The following ZNF254 variants were observed in gnomAD, a reference collection of about 807,000 sequenced individuals.
ZNF254 encodes the protein zinc finger protein 254, also known as CTD-2017D11.1.
ZNF254 carries 10 observed loss-of-function variants against 12.4 expected under a neutral mutation model. The observed-to-expected ratio is 0.80, with a 90% CI of 0.50 to 1.36. The LOEUF is 1.36. ZNF254 is among the 40% of genes most tolerant of loss of function. The pLI, the probability that ZNF254 is intolerant of heterozygous loss-of-function variation, is 0.00. For synonymous variants in ZNF254, 305 were observed against 253.4 expected (o/e 1.20, Z -1.93); for missense variants, 996 against 763.9 (o/e 1.30, Z -3.58).
Position 24,128,690 on chromosome 19 carries a change from A to T in ZNF254, c.*710A>T, listed in dbSNP as rs932648170. On this transcript the variant is annotated 3_prime_UTR_variant, in exon 4 of 4. Coordinates refer to ENST00000357002, the MANE Select transcript of ZNF254 (RefSeq NM_203282.4). ...TTTGCAGATACATTAAATATGAAAG[A>T]TATTCAATCCAAAATTAAGTCTATG... is the stretch of plus-strand genomic sequence containing the variant. 6.6e-6 allele frequency: 1 copy of T among 152,132 alleles called. No homozygotes were observed. The highest frequency in any genetic ancestry group is 1.5e-5 in the Non-Finnish European group (1 of 67,956). 9.4% of individuals were successfully genotyped at this position (152,132 alleles called of 1,614,324 possible). A position where few individuals can be genotyped will look rare whatever the true frequency, so the allele number is the denominator to read the frequency against.
upstream of ZNF254, among the ~76,000 whole-genome samples, chr19:24,086,451 G>T (rs914718013): frequency 6.6e-6 from 1 of 151,222 alleles, no homozygotes; most frequent in African/African-American, 2.4e-5. Flanking sequence ...GGTTATAGGC[G>T]TGCGCCACCA....
chr19:24,084,196 A>G (rs112028942), upstream of ZNF254, among the ~76,000 whole-genome samples: 3 of 148,394 alleles, frequency 2.0e-5, no homozygotes, highest in African/African-American at 7.3e-5. Context: ...ATAATAATAT[A>G]TATACACCAA....
At chr19:24,093,033 G>C (rs1417650023) in intron 1 of ZNF254, among the ~76,000 whole-genome samples, 1 of 151,950 alleles carries the variant, frequency 6.6e-6, no homozygotes, top group East Asian at 1.9e-4. Flanking sequence ...GTTTTTCTTT[G>C]CATTTCTCCA....
At position 24,110,876 on chromosome 19, in the gene ZNF254, ATTC is replaced by A. The variant is rs944991599; in HGVS notation, c.253+4239_253+4241del. On this transcript the variant is annotated intron_variant, in intron 3 of 3. Coordinates refer to ENST00000357002, the MANE Select transcript of ZNF254 (RefSeq NM_203282.4). ...AGATTTTTTTTTTTCACTGTTAAAT[ATTC>A]TTCTTTATTTTCCATTTCAGTAAAA... Among the ~76,000 whole-genome samples, 6 of 151,696 alleles carry A rather than the reference ATTC, an allele frequency of 4.0e-5. No individual in the cohort carries two copies. In the East Asian group the frequency reaches 5.8e-4, roughly 15 times the overall value.
In ZNF254 at chr19:24,128,689, G is replaced by T. The variant is rs1975056854; in HGVS notation, c.*709G>T. 1.3e-5 allele frequency: 2 copies of T among 151,952 alleles called. No homozygotes were observed. The highest frequency in any genetic ancestry group is 2.9e-5 in the Non-Finnish European group (2 of 67,922). 9.4% of individuals were successfully genotyped at this position (151,952 alleles called of 1,614,324 possible). ...TTTTGCAGATACATTAAATATGAAAGATATTCAATCCAAAATTAAGTCTAT... is the reference window on the plus strand; with the variant it reads ...TTTTGCAGATACATTAAATATGAAATATATTCAATCCAAAATTAAGTCTAT... On this transcript the variant is annotated 3_prime_UTR_variant, in exon 4 of 4. Transcript: ENST00000357002.
intron 3 of ZNF254, among the ~76,000 whole-genome samples, chr19:24,111,012 T>C (rs2145850602): frequency 6.6e-6 from 1 of 152,252 alleles, no homozygotes; most frequent in African/African-American, 2.4e-5. Flanking sequence ...GCAGGTTAGT[T>C]ACATATGTAT....
At chr19:24,115,223 C>T (rs987401405) in intron 3 of ZNF254, among the ~76,000 whole-genome samples, 3 of 152,030 alleles carry the variant, frequency 2.0e-5, no homozygotes, top group East Asian at 1.9e-4. Context: ...GACACATGCA[C>T]AAGTATGTTT....
chr19:24,110,408 T>C (rs1973596324), intron 3 of ZNF254, among the ~76,000 whole-genome samples: 1 of 151,962 alleles, frequency 6.6e-6, no homozygotes, highest in African/African-American at 2.4e-5. Flanking sequence ...AAACATTTTT[T>C]TTCTAAGAAA....
upstream of ZNF254, among the ~76,000 whole-genome samples, chr19:24,083,488 C>T (rs1017804273): frequency 6.6e-6 from 1 of 151,970 alleles, no homozygotes; most frequent in Non-Finnish European, 1.5e-5. Flanking sequence ...CAAAAAAGAA[C>T]CTGCATAGAC....
At chr19:24,104,737 G>C (rs1973232525) in intron 1 of ZNF254, 1 of 152,116 alleles carries the variant, frequency 6.6e-6, no homozygotes, top group Non-Finnish European at 1.5e-5. Flanking sequence ...ACATGGAGAG[G>C]GGTGGATACT....
intron 2 of ZNF254, among the ~76,000 whole-genome samples, chr19:24,048,606 G>T (rs1320637689): frequency 1.3e-5 from 2 of 152,180 alleles, no homozygotes. Flanking sequence ...GGGATCTGGG[G>T]ATAGTTCTGT....
chr19:24,070,445 T>C (rs1245164496), intron 2 of ZNF254, among the ~76,000 whole-genome samples: 1 of 152,168 alleles, frequency 6.6e-6, no homozygotes, highest in Non-Finnish European at 1.5e-5. Flanking sequence ...TTGACTCCCA[T>C]GTGTGGATCT....
chr19:24,038,692 A>G (rs1238235268), intron 1 of ZNF254, among the ~76,000 whole-genome samples: 2 of 152,336 alleles, frequency 1.3e-5, no homozygotes, highest in East Asian at 1.9e-4. Flanking sequence ...ACAACACACA[A>G]TTGTGCAGTA....
intron 2 of ZNF254, among the ~76,000 whole-genome samples, chr19:24,054,513 C>T (rs62114776): frequency 0.16 from 24,607 of 152,104 alleles, 2,007 homozygotes; most frequent in African/African-American, 0.18. Context: ...ATAATGCCCT[C>T]GAGTGTTACA....
Position 24,076,603 on chromosome 19 carries a change from G to A in ZNF254, c.-93-29337G>A, listed in dbSNP as rs762792015. On this transcript the variant is annotated intron_variant, in intron 2 of 4. Coordinates refer to the ZNF254 transcript ENST00000613065. ...AAGATGGAGTCGCTCTGGTTTGAAT[G>A]CCTCTGACATAGAGATCCATTGTAA... 9.5e-4 allele frequency among the ~76,000 whole-genome samples: 144 copies of A among 151,660 alleles called. 1 individual carries two copies. Among genetic ancestry groups the A allele is most frequent in the African/African-American group, 3.4e-3 (140 of 41,388 alleles).
intron 1 of ZNF254, among the ~76,000 whole-genome samples, chr19:24,095,144 A>C (rs928731139): frequency 6.6e-6 from 1 of 152,230 alleles, no homozygotes; most frequent in Non-Finnish European, 1.5e-5. Flanking sequence ...CTATTGTGGT[A>C]ATCTTGTGGT....
chr19:24,046,055 G>GA (rs1057016915), intron 1 of ZNF254: 1 of 146,302 alleles, frequency 6.8e-6, no homozygotes, highest in African/African-American at 2.5e-5. Flanking sequence ...AAGCTGGTAG[G>GA]AAACAGTATT....
At chr19:24,038,121 T>C (rs2145176261) in intron 1 of ZNF254, among the ~76,000 whole-genome samples, 1 of 152,358 alleles carries the variant, frequency 6.6e-6, no homozygotes, top group African/African-American at 2.4e-5. Flanking sequence ...ATAGGCTTTT[T>C]GTCAGTATTT....
Position 24,127,754 on chromosome 19 carries a change from G to C in ZNF254, c.1754G>C (p.Arg585Pro), listed in dbSNP as rs202062505. The stretch of plus-strand genomic sequence containing the variant: ...GAAGAATGTGGCAAATCTTTTAACC[G>C]GTCTTCAACTTTTACTAAACATAAG... ...KCEECGKSFNRSSTFTKHKVI... is the reference protein window; with the variant it reads ...KCEECGKSFNPSSTFTKHKVI... Residue 585 changes from arginine to proline, a missense_variant, in exon 4 of 4, where the codon CGG (arginine) becomes CCG (proline). Arg to Pro is a moderately radical substitution (Grantham distance 103). Transcript: ENST00000357002. 1.2e-6 allele frequency: 2 copies of C among 1,611,280 alleles called. No homozygotes were observed. Among genetic ancestry groups the C allele is most frequent in the South Asian group, 2.2e-5 (2 of 90,896 alleles).
Sources: gnomAD v4.1 joint callset for allele counts (sites outside exome capture counted in the v4.1 genomes callset) on GRCh38, gnomAD v4.1.1 for gene constraint, MANE v1.5 for transcripts, NCBI Gene and HGNC (gene_info 2026-07-23, HGNC 2026-07-21) for gene names.